Variants in FXYD2 observed in about 807,000 individuals in gnomAD.
FXYD2 encodes the protein FXYD domain containing ion transport regulator 2, also known as sodium/potassium-transporting ATPase subunit gamma.
In FXYD2, 8 loss-of-function variants were observed where a neutral mutation model predicts 11.8. The ratio of observed to expected loss-of-function variants is 0.68; its 90% CI spans 0.40 to 1.22. The LOEUF is 1.22. FXYD2 is among the 50% of genes most tolerant of loss of function. The pLI, the probability that FXYD2 is intolerant of heterozygous loss-of-function variation, is 0.01. For missense variants in FXYD2, 92 were observed against 91.8 expected (o/e 1.00, Z -0.01); for synonymous variants, 42 against 33.3 (o/e 1.26, Z -0.90).
At chr11:117,826,778 G>GTCTATCTGTCTATCTATCTATCTA (rs1555040290), upstream of FXYD2, among the ~76,000 whole-genome samples, 1 of 125,780 alleles carries the variant, frequency 8.0e-6, no homozygotes, top group East Asian at 2.3e-4. Flanking sequence ...CTGTCTGTCT[G>GTCTATCTGTCTATCTATCTATCTA]TCTATCTATC....
upstream of FXYD2, among the ~76,000 whole-genome samples, chr11:117,827,280 G>A (rs539552690): frequency 4.5e-4 from 69 of 152,174 alleles, no homozygotes; most frequent in East Asian, 2.7e-3. Context: ...ACGGAGTTTC[G>A]CTCTTGTCAC....
Position 117,822,916 on chromosome 11 carries a change from G to A in FXYD2, c.26-199C>T, listed in dbSNP as rs562135238. Among the ~76,000 whole-genome samples, 75 of 152,214 alleles carry A rather than the reference G, an allele frequency of 4.9e-4. No homozygotes were observed. The highest frequency in any genetic ancestry group is 1.8e-3 in the African/African-American group (74 of 41,538). ...GGCGGCTTCAGACACGCTCAACTGG[G>A]GACCAAATACCGAGTGTCCGAGGGG... On this transcript the variant is annotated intron_variant, in intron 1 of 5. Transcript: ENST00000292079. The surrounding 1 kb of genome is among the most constrained non-coding windows in gnomAD (Gnocchi z 4.7).
In FXYD2 at chr11:117,822,497, C is replaced by G. The variant is rs2055931632; in HGVS notation, c.65-17G>C. 6.4e-7 allele frequency: 1 copy of G among 1,558,060 alleles called. No homozygotes were observed. Among genetic ancestry groups the G allele is most frequent in the African/African-American group, 1.4e-5 (1 of 73,866 alleles). ...TCTCATAGTCTCCGGAAAGAGAGGGCAAGAGGAGCGGGATGGGTGGTCTCT... is the reference window on the plus strand; with the variant it reads ...TCTCATAGTCTCCGGAAAGAGAGGGGAAGAGGAGCGGGATGGGTGGTCTCT... On this transcript the variant is annotated splice_polypyrimidine_tract_variant and intron_variant, in intron 2 of 5. Coordinates refer to ENST00000292079, the MANE Select transcript of FXYD2 (RefSeq NM_001680.5). This position sits in a 1 kb window ranked among gnomAD's most constrained non-coding sequence, Gnocchi z 4.7.
chr11:117,822,229 CT>C lies in FXYD2; in HGVS notation c.139+176del. 1 of 1,498,714 alleles carries C rather than the reference CT, an allele frequency of 6.7e-7. No individual in the cohort carries two copies. Among genetic ancestry groups the C allele is most frequent in the Non-Finnish European group, 8.9e-7 (1 of 1,124,526 alleles). The allele number at this position is 1,498,714 out of a possible 1,614,324, so 92.8% of individuals were successfully genotyped here. A position where few individuals can be genotyped will look rare whatever the true frequency, so the allele number is the denominator to read the frequency against. On this transcript the variant is annotated intron_variant, in intron 3 of 5. Coordinates refer to ENST00000292079, the MANE Select transcript of FXYD2 (RefSeq NM_001680.5). The surrounding 1 kb of genome is among the most constrained non-coding windows in gnomAD (Gnocchi z 4.7). Reference sequence around the variant, plus strand: ...CACTTGAGCAAGCAGGAACCTCACACTGTGCTCCCAGCGAGCCTGGCACCCC... The same window carrying C: ...CACTTGAGCAAGCAGGAACCTCACACGTGCTCCCAGCGAGCCTGGCACCCC...
upstream of FXYD2, among the ~76,000 whole-genome samples, chr11:117,825,932 T>G (rs1273461069): frequency 6.6e-6 from 1 of 152,164 alleles, no homozygotes; most frequent in Non-Finnish European, 1.5e-5. Context: ...GGCTTGGCAC[T>G]TGAGTTCACA....
At chr11:117,826,778 G>GTCTGTCTGTCTATCTATCTATCTA (rs1344802450), upstream of FXYD2, among the ~76,000 whole-genome samples, 4 of 125,780 alleles carry the variant, frequency 3.2e-5, no homozygotes, top group South Asian at 2.8e-4. Flanking sequence ...CTGTCTGTCT[G>GTCTGTCTGTCTATCTATCTATCTA]TCTATCTATC....
In FXYD2 at chr11:117,824,312, G is replaced by T. The variant is rs116554703; in HGVS notation, c.25+342C>A. ...GAGGGGCCTGCTCCTTCCCCAGCCA[G>T]ATGGACGCCGTCTGCCTCCCGCCCA... On this transcript the variant is annotated intron_variant, in intron 1 of 5. Transcript: ENST00000292079. The surrounding 1 kb of genome is among the most constrained non-coding windows in gnomAD (Gnocchi z 4.0). The T allele has an allele frequency of 2.2e-3, 970 of 447,448 alleles. 8 individuals carry two copies. The highest frequency in any genetic ancestry group is 0.018 in the African/African-American group (914 of 50,694). The allele number at this position is 447,448 out of a possible 1,614,324, so 27.7% of individuals were successfully genotyped here.
rs898868870 is a variant in FXYD2 at position 117,824,399 on chromosome 11, A to G, written c.25+255T>C. The G allele has an allele frequency of 1.5e-5, 9 of 597,774 alleles. No homozygotes were observed. The highest frequency in any genetic ancestry group is 1.4e-4 in the Admixed American group (5 of 36,592). 37.0% of individuals were successfully genotyped at this position (597,774 alleles called of 1,614,324 possible). On this transcript the variant is annotated intron_variant, in intron 1 of 5. Transcript: ENST00000292079. This position sits in a 1 kb window ranked among gnomAD's most constrained non-coding sequence, Gnocchi z 4.0. ...GCGGGTGTGTGCCAGGAGGCCGAGG[A>G]GGAACGCTCAGCTCTCCAGCTTCTA...
chr11:117,827,857 T>G (rs1375425652), upstream of FXYD2: 5 of 725,988 alleles, frequency 6.9e-6, no homozygotes, highest in Admixed American at 1.0e-4. Flanking sequence ...GGAGATGCTC[T>G]TTTTTGGAAA....
chr11:117,827,091 GATAGATAGAT>G (rs2056058432), upstream of FXYD2, among the ~76,000 whole-genome samples: 2 of 29,864 alleles, frequency 6.7e-5, no homozygotes, highest in East Asian at 3.8e-3. Context: ...TAGAGAGATA[GATAGATAGAT>G]AGATAGATAG....
At chr11:117,821,325 T>C in intron 3 of FXYD2, 1 of 984,296 alleles carries the variant, frequency 1.0e-6, no homozygotes, top group South Asian at 4.7e-5. Context: ...CCTCCTAATA[T>C]GCCGGCATTA....
At chr11:117,824,778 C>T (rs990954563), upstream of FXYD2, 62 of 1,476,092 alleles carry the variant, frequency 4.2e-5, no homozygotes, top group African/African-American at 1.3e-4. The surrounding 1 kb of genome is among the most constrained non-coding windows in gnomAD (Gnocchi z 4.0). Flanking sequence ...GGACGAGGTG[C>T]GGGCATTAAA....
upstream of FXYD2, among the ~76,000 whole-genome samples, chr11:117,825,276 T>G (rs2056011012): frequency 6.6e-6 from 1 of 152,162 alleles, no homozygotes; most frequent in South Asian, 2.1e-4. Context: ...GGGCCCTTCA[T>G]CTGTCATCCT....
In FXYD2 at chr11:117,822,959, G is replaced by T. The variant is rs117170428; in HGVS notation, c.26-242C>A. On this transcript the variant is annotated intron_variant, in intron 1 of 5. Coordinates refer to ENST00000292079, the MANE Select transcript of FXYD2 (RefSeq NM_001680.5). The surrounding 1 kb of genome is among the most constrained non-coding windows in gnomAD (Gnocchi z 4.7). ...CCGAGGGGGATCCGTGCTGTCTGGG[G>T]GGCCTCTGACCACTCCGGAAGGGTG... Among the ~76,000 whole-genome samples, 1 of 152,206 alleles carries T rather than the reference G, an allele frequency of 6.6e-6. No homozygotes were observed. The highest frequency in any genetic ancestry group is 1.9e-4 in the East Asian group (1 of 5,176).
chr11:117,827,954 G>A (rs1352559075), upstream of FXYD2: 2 of 1,336,392 alleles, frequency 1.5e-6, no homozygotes, highest in Non-Finnish European at 2.1e-6. Context: ...ACCTGTGTTA[G>A]AGCCTGAGCA....
upstream of FXYD2, among the ~76,000 whole-genome samples, chr11:117,827,617 C>T (rs1433549907): frequency 6.6e-6 from 1 of 152,198 alleles, no homozygotes; most frequent in African/African-American, 2.4e-5. Flanking sequence ...CACCCCATTT[C>T]ATAGAGGAAG....
In FXYD2 at chr11:117,821,798, C is replaced by T. The variant is rs566463588; in HGVS notation, c.139+608G>A. Reference sequence around the variant, plus strand: ...CTTGGGGTGGGGTGGCAGTGGCACACGTGCATTAGAAGTCCAGAGCCCACA... The same window carrying T: ...CTTGGGGTGGGGTGGCAGTGGCACATGTGCATTAGAAGTCCAGAGCCCACA... On this transcript the variant is annotated intron_variant, in intron 3 of 5. Coordinates refer to ENST00000292079, the MANE Select transcript of FXYD2 (RefSeq NM_001680.5). 7.6e-5 allele frequency: 75 copies of T among 989,788 alleles called. 1 individual carries two copies. The East Asian group carries it at 7.9e-4, about 10-fold the overall frequency. The allele number at this position is 989,788 out of a possible 1,614,324, so 61.3% of individuals were successfully genotyped here. A position where few individuals can be genotyped will look rare whatever the true frequency, so the allele number is the denominator to read the frequency against.
intron 1 of FXYD2, among the ~76,000 whole-genome samples, chr11:117,823,613 C>T (rs1315908694): frequency 6.6e-6 from 1 of 152,238 alleles, no homozygotes; most frequent in Admixed American, 6.5e-5. Flanking sequence ...TGGTGCCCTG[C>T]AACTGAGTAC....
upstream of FXYD2, among the ~76,000 whole-genome samples, chr11:117,826,696 A>T (rs1210715118): frequency 6.6e-6 from 1 of 152,198 alleles, no homozygotes; most frequent in Non-Finnish European, 1.5e-5. Context: ...GTAAGCCTCC[A>T]TGGAGTCTTT....
Sources: allele counts gnomAD v4.1 joint callset (sites outside exome capture counted in the v4.1 genomes callset), GRCh38; gene constraint gnomAD v4.1.1; non-coding constraint Gnocchi (gnomAD v3.1); transcripts MANE v1.5; gene names NCBI Gene and HGNC (gene_info 2026-07-23, HGNC 2026-07-21).